The following CACNA1I variants were observed in gnomAD, a reference collection of about 807,000 sequenced individuals.
CACNA1I encodes calcium voltage-gated channel subunit alpha1 I, also known as voltage-dependent T-type calcium channel subunit alpha-1I.
A neutral mutation model predicts 201.6 loss-of-function variants in CACNA1I; 74 were observed. That is an observed-to-expected ratio of 0.37 (90% CI 0.30 to 0.45). The LOEUF is 0.45. Among genes scored for constraint, CACNA1I ranks in the 20% least tolerant of loss-of-function variants. The pLI is 1.00. For synonymous variants in CACNA1I, 1,431 were observed against 1,345.2 expected, an observed-to-expected ratio of 1.06 and a Z score of -1.40; for missense variants, 2,346 against 3,138.1, an observed-to-expected ratio of 0.75 and a Z score of 6.03.
In CACNA1I at chr22:39,684,916, G is replaced by T. The variant is rs1601535060; in HGVS notation, c.6027+418G>T. On this transcript the variant is annotated intron_variant, in intron 36 of 36. Transcript: ENST00000402142. The surrounding 1 kb of genome is among the most constrained non-coding windows in gnomAD (Gnocchi z 4.6). ...GAATGGAGGTGGGAGGGCGGGTCTG[G>T]TGGATGAGAAGCCTCGGGCTGCAGG... 2 of 362,868 alleles carry T rather than the reference G, an allele frequency of 5.5e-6. No homozygotes were observed. The highest frequency in any genetic ancestry group is 4.1e-5 in the African/African-American group (2 of 48,888). 22.5% of individuals were successfully genotyped at this position (362,868 alleles called of 1,614,324 possible). A position where few individuals can be genotyped will look rare whatever the true frequency, so the allele number is the denominator to read the frequency against.
chr22:39,681,516 C>A (rs1359710294), intron 34 of CACNA1I, among the ~76,000 whole-genome samples: 2 of 152,188 alleles, frequency 1.3e-5, no homozygotes, highest in African/African-American at 4.8e-5. Context: ...TGATTTGTTC[C>A]CACTTCACAT....
intron 1 of CACNA1I, among the ~76,000 whole-genome samples, chr22:39,574,160 T>C (rs1156545930): frequency 6.6e-6 from 1 of 152,210 alleles, no homozygotes; most frequent in Non-Finnish European, 1.5e-5. Flanking sequence ...GGGTTCAAAG[T>C]TAAGATTTAA....
At chr22:39,655,142 G>C (rs570736671) in intron 10 of CACNA1I, among the ~76,000 whole-genome samples, 10 of 152,146 alleles carry the variant, frequency 6.6e-5, no homozygotes, top group Non-Finnish European at 1.5e-4. Flanking sequence ...GATAATACAG[G>C]GCTTGAGATT....
In CACNA1I at chr22:39,662,002, G is replaced by A. The variant is rs1935027851; in HGVS notation, c.2939G>A (p.Arg980His). The A allele has an allele frequency of 1.3e-6, 2 of 1,562,872 alleles. No individual in the cohort carries two copies. Among genetic ancestry groups the A allele is most frequent in the South Asian group, 1.2e-5 (1 of 85,448 alleles). ...AGCTCCTACTACGGGCCATGGGGCC[G>A]CAGCGCGGCCTGGGCCAGCCGTCGC... The part of the protein sequence containing the change: ...SRSSYYGPWG[R>H]SAAWASRRSS... The change falls in exon 17 of 37, where the codon CGC (arginine) becomes CAC (histidine). Residue 980 changes from arginine (R) to histidine (H), a missense_variant. Arg to His is a conservative substitution (Grantham distance 29, BLOSUM62 0). Coordinates refer to ENST00000402142, the MANE Select transcript of CACNA1I (RefSeq NM_021096.4).
chr22:39,617,555 G>A (rs996345819), intron 3 of CACNA1I, among the ~76,000 whole-genome samples: 2 of 152,182 alleles, frequency 1.3e-5, no homozygotes, highest in East Asian at 3.8e-4. Flanking sequence ...GGCCCCGCGG[G>A]TGCCAGCGCC....
At chr22:39,608,162 G>A (rs1005091456) in intron 3 of CACNA1I, among the ~76,000 whole-genome samples, 4 of 150,280 alleles carry the variant, frequency 2.7e-5, no homozygotes, top group African/African-American at 9.8e-5. Flanking sequence ...TCAAAAATTA[G>A]CCAGGCGCAG....
intron 33 of CACNA1I, among the ~76,000 whole-genome samples, chr22:39,680,475 G>A (rs1400742302): frequency 6.6e-6 from 1 of 152,216 alleles, no homozygotes; most frequent in Non-Finnish European, 1.5e-5. Context: ...GGAGGACTGG[G>A]CTGCCCCACA....
At chr22:39,623,145 G>A (rs958288735) in intron 4 of CACNA1I, among the ~76,000 whole-genome samples, 4 of 152,348 alleles carry the variant, frequency 2.6e-5, no homozygotes, top group East Asian at 3.9e-4. Flanking sequence ...CTTGCCAGGC[G>A]GGCTTCTCTA....
chr22:39,677,468 A>T lies in CACNA1I; in HGVS notation c.4933+49A>T. On this transcript the variant is annotated intron_variant, in intron 30 of 36. Transcript: ENST00000402142. The surrounding 1 kb of genome is among the most constrained non-coding windows in gnomAD (Gnocchi z 4.8). Reference sequence around the variant, plus strand: ...CGTGGTGGGGGTGCAGCAGGGCTGCAGGAGGAACTGGGGGGGCGGGGGAGG... The same window carrying T: ...CGTGGTGGGGGTGCAGCAGGGCTGCTGGAGGAACTGGGGGGGCGGGGGAGG... The T allele has an allele frequency of 1.7e-5, 18 of 1,077,456 alleles. No individual in the cohort carries two copies. Among genetic ancestry groups the T allele is most frequent in the East Asian group, 2.6e-5 (1 of 37,862 alleles). The allele number at this position is 1,077,456 out of a possible 1,614,324, so 66.7% of individuals were successfully genotyped here.
At chr22:39,655,643 G>T (rs1934793110) in intron 10 of CACNA1I, among the ~76,000 whole-genome samples, 1 of 151,790 alleles carries the variant, frequency 6.6e-6, no homozygotes, top group Non-Finnish European at 1.5e-5. Flanking sequence ...CCCCACCTTT[G>T]CCCCTCACTC....
intron 3 of CACNA1I, among the ~76,000 whole-genome samples, chr22:39,604,140 T>C (rs551890337): frequency 2.6e-5 from 4 of 152,328 alleles, no homozygotes; most frequent in East Asian, 1.9e-4. Context: ...AGGGAAGTCA[T>C]TTGTTCTGCT....
At chr22:39,617,822 C>T (rs1228672300) in intron 3 of CACNA1I, among the ~76,000 whole-genome samples, 1 of 138,792 alleles carries the variant, frequency 7.2e-6, no homozygotes, top group Non-Finnish European at 1.6e-5. Context: ...CCTCCTCCTG[C>T]TCCTTCCCTT....
At chr22:39,625,918 A>T (rs1346786041) in intron 4 of CACNA1I, among the ~76,000 whole-genome samples, 1 of 152,116 alleles carries the variant, frequency 6.6e-6, no homozygotes, top group African/African-American at 2.4e-5. Flanking sequence ...TTACATATGA[A>T]AAGTGCTGTT....
intron 33 of CACNA1I, 112 bp downstream of exon 33, chr22:39,679,980 C>A (rs1459161696): frequency 9.3e-7 from 1 of 1,079,640 alleles, no homozygotes; most frequent in Non-Finnish European, 1.3e-6. Flanking sequence ...CAGGCTGGGT[C>A]AACGTGGGCA....
chr22:39,599,183 C>T (rs1485617820), intron 2 of CACNA1I, among the ~76,000 whole-genome samples: 26 of 147,868 alleles, frequency 1.8e-4, no homozygotes, highest in African/African-American at 2.5e-5. Context: ...CTCCTGACCT[C>T]GTGATCTGCC....
intron 21 of CACNA1I, 37 bp downstream of exon 21, chr22:39,664,960 A>C (rs775515568): frequency 1.9e-6 from 3 of 1,596,446 alleles, no homozygotes; most frequent in African/African-American, 1.3e-5. Context: ...GGAAAGTGTC[A>C]TGCACTGTAC....
chr22:39,670,290 T>G (rs1433161803), intron 25 of CACNA1I, 60 bp downstream of exon 25: 4 of 1,539,958 alleles, frequency 2.6e-6, no homozygotes, highest in Non-Finnish European at 3.5e-6. Flanking sequence ...TGCCTGGGCC[T>G]GACCCCAGCC....
chr22:39,681,891 G>A (rs1288672896), intron 34 of CACNA1I, among the ~76,000 whole-genome samples: 10 of 152,018 alleles, frequency 6.6e-5, no homozygotes, highest in Admixed American at 1.3e-4. Context: ...GCAGCTCCCC[G>A]CACCCCTACA....
intron 10 of CACNA1I, among the ~76,000 whole-genome samples, chr22:39,653,847 A>T (rs1191434342): frequency 6.6e-6 from 1 of 152,176 alleles, no homozygotes; most frequent in East Asian, 1.9e-4. Flanking sequence ...TGTTTCTTGC[A>T]GGGCCTGGCC....
Sources: allele counts gnomAD v4.1 joint callset (sites outside exome capture counted in the v4.1 genomes callset), GRCh38; gene constraint gnomAD v4.1.1; non-coding constraint Gnocchi (gnomAD v3.1); transcripts MANE v1.5; gene names NCBI Gene and HGNC (gene_info 2026-07-23, HGNC 2026-07-21).